Variants in STAG3 observed in about 807,000 individuals in gnomAD.
The protein encoded by STAG3 is cohesin subunit SA-3.
In STAG3, 101 loss-of-function variants were observed where a neutral mutation model predicts 160.7. That is an observed-to-expected ratio of 0.63 (90% CI 0.54 to 0.74). STAG3 has a LOEUF of 0.74. Ranked by LOEUF, STAG3 falls within the 30% of genes least tolerant of loss-of-function variation. The pLI, the probability that STAG3 is intolerant of heterozygous loss-of-function variation, is 0.00. For synonymous variants in STAG3, 519 were observed against 585.0 expected (o/e 0.89, Z 1.63); for missense variants, 1,188 against 1,517.4 (o/e 0.78, Z 3.61).
intron 32 of STAG3, 102 bp from the exon 33 acceptor site, chr7:100,213,633 C>T: frequency 6.3e-7 from 1 of 1,583,720 alleles, no homozygotes; most frequent in East Asian, 2.2e-5. Context: ...CTGCTGTGCC[C>T]ATATTTGTTC....
In STAG3 at chr7:100,201,963, T is replaced by A. The variant is rs1402717729; in HGVS notation, c.2316T>A (p.Ser772Arg). The part of the protein sequence containing the change: ...KSDASQKQLS[S>R]LRDRMVAFCE... Reference sequence around the variant, plus strand: ...TGTGCCCACAGAAGCAGCTGTCGAGTTTGAGGGACAGAATGGTGGCCTTCT... The same window carrying A: ...TGTGCCCACAGAAGCAGCTGTCGAGATTGAGGGACAGAATGGTGGCCTTCT... The change falls in exon 23 of 34, where the codon AGT becomes AGA. Residue 772 changes from serine (S) to arginine (R), a missense_variant. By Grantham distance (110) the Ser-to-Arg change is moderately radical. Coordinates refer to ENST00000615138, the MANE Select transcript of STAG3 (RefSeq NM_001282717.2). 1 of 1,614,042 alleles carries A rather than the reference T, an allele frequency of 6.2e-7. No homozygotes were observed. The highest frequency in any genetic ancestry group is 1.7e-5 in the Admixed American group (1 of 60,014).
Position 100,203,999 on chromosome 7 carries a change from C to T in STAG3, c.2701-22C>T, listed in dbSNP as rs563737305. On this transcript the variant is annotated intron_variant, in intron 25 of 33. Coordinates refer to ENST00000615138, the MANE Select transcript of STAG3 (RefSeq NM_001282717.2). ...GTCTTTTCCACCAGTCAGACATTAC[C>T]TTCCCCACTCTTTCCCCTCAGTTCT... 4.4e-5 allele frequency: 68 copies of T among 1,541,332 alleles called. No homozygotes were observed. In the East Asian group the frequency reaches 1.5e-3, roughly 33 times the overall value.
chr7:100,188,201 G>A (rs1346472938), intron 5 of STAG3, among the ~76,000 whole-genome samples: 2 of 152,182 alleles, frequency 1.3e-5, no homozygotes, highest in Admixed American at 1.3e-4. Flanking sequence ...CAGCCTGGTT[G>A]TGTGAGGTGT....
intron 2 of STAG3, among the ~76,000 whole-genome samples, chr7:100,181,787 GC>G (rs901609383): frequency 6.6e-6 from 1 of 151,836 alleles, no homozygotes; most frequent in African/African-American, 2.4e-5. Flanking sequence ...TGTAATCCCA[GC>G]TACTCGGGAG....
chr7:100,212,523 T>G (rs1023645046), intron 32 of STAG3: 18 of 152,376 alleles, frequency 1.2e-4, no homozygotes, highest in African/African-American at 4.3e-4. Context: ...TGGCATAGTC[T>G]CGGCTCACTG....
chr7:100,193,541 C>T (rs1366117256), intron 8 of STAG3, among the ~76,000 whole-genome samples: 2 of 152,230 alleles, frequency 1.3e-5, no homozygotes, highest in Non-Finnish European at 2.9e-5. Flanking sequence ...CTTGTTGCTT[C>T]TCTATCAGTA....
At chr7:100,209,307 G>A (rs1340662151) in intron 29 of STAG3, among the ~76,000 whole-genome samples, 1 of 152,176 alleles carries the variant, frequency 6.6e-6, no homozygotes, top group South Asian at 2.1e-4. Flanking sequence ...ACAGGTGAGG[G>A]AGGGTGCTTA....
At chr7:100,201,385 G>C (rs769439243) in intron 21 of STAG3, 34 bp downstream of exon 21, 33 of 1,594,388 alleles carry the variant, frequency 2.1e-5, no homozygotes, top group Non-Finnish European at 2.6e-5. Context: ...GTTGGGGGCT[G>C]GGGGGCTAGA....
In STAG3 at chr7:100,201,838, C is replaced by T; in HGVS notation, c.2273C>T (p.Thr758Ile). Reference protein sequence around the residue: ...LVYFSILWTLTHISKSDASQK... With the variant: ...LVYFSILWTLIHISKSDASQK... ...TATTTTTCCATTCTCTGGACACTAACCCACATTTCTAAATCAGATGCTTCC... is the reference window on the plus strand; with the variant it reads ...TATTTTTCCATTCTCTGGACACTAATCCACATTTCTAAATCAGATGCTTCC... Residue 758 changes from threonine to isoleucine, a missense_variant, in exon 22 of 34, where the codon ACC becomes ATC. By Grantham distance (89) the Thr-to-Ile change is moderately conservative (BLOSUM62 -1). Around this residue, in one of 4 missense-constraint regions of STAG3, gnomAD observed 647 missense variants for 717.2 expected, o/e 0.90. Transcript: ENST00000615138. The T allele has an allele frequency of 6.2e-7, 1 of 1,614,166 alleles. No individual in the cohort carries two copies.
Position 100,214,137 on chromosome 7 carries a change from G to A in STAG3, c.*122G>A. The A allele has an allele frequency of 7.3e-7, 1 of 1,367,214 alleles. No individual in the cohort carries two copies. Among genetic ancestry groups the A allele is most frequent in the African/African-American group, 1.4e-5 (1 of 69,302 alleles). 84.7% of individuals were successfully genotyped at this position (1,367,214 alleles called of 1,614,324 possible). A position where few individuals can be genotyped will look rare whatever the true frequency, so the allele number is the denominator to read the frequency against. On this transcript the variant is annotated 3_prime_UTR_variant, in exon 34 of 34. Coordinates refer to ENST00000615138, the MANE Select transcript of STAG3 (RefSeq NM_001282717.2). Reference sequence around the variant, plus strand: ...CAGGCTTCAGCCCTGGGCTCTGAGGGGAAAGAGTTGGGCATTGTTTTTCTA... The same window carrying A: ...CAGGCTTCAGCCCTGGGCTCTGAGGAGAAAGAGTTGGGCATTGTTTTTCTA...
intron 10 of STAG3, 159 bp from the exon 11 acceptor site, chr7:100,197,619 A>G: frequency 1.4e-6 from 1 of 708,864 alleles, no homozygotes; most frequent in East Asian, 2.6e-5. Flanking sequence ...TTTAAGTAAG[A>G]AGACAGCTGT....
rs775751338 is a variant in STAG3 at position 100,199,271 on chromosome 7, C to T, written c.1477C>T (p.His493Tyr). 6.2e-7 allele frequency: 1 copy of T among 1,613,440 alleles called. No homozygotes were observed. Among genetic ancestry groups the T allele is most frequent in the Non-Finnish European group, 8.5e-7 (1 of 1,179,478 alleles). Reference sequence around the variant, plus strand: ...GCACGTTCTCCCCTAGCTCCATGACCACGCTGCTTACTTAGTAGACAGTCT... The same window carrying T: ...GCACGTTCTCCCCTAGCTCCATGACTACGCTGCTTACTTAGTAGACAGTCT... The part of the protein sequence containing the change: ...SFFVESELHD[H>Y]AAYLVDSLWD... The change falls in exon 15 of 34, where the codon CAC becomes TAC. Residue 493 changes from histidine to tyrosine, a missense_variant. His to Tyr is a moderately conservative substitution (Grantham distance 83). This residue lies in a region of STAG3 where 240 missense variants were observed against 358.1 expected (regional missense o/e 0.67). Transcript: ENST00000615138.
chr7:100,198,559 C>T lies in STAG3; in HGVS notation c.1329C>T (p.Ala443=), dbSNP rs1427153616. 6 of 1,613,828 alleles carry T rather than the reference C, an allele frequency of 3.7e-6. No homozygotes were observed. The highest frequency in any genetic ancestry group is 2.2e-5 in the South Asian group (2 of 91,074). The change falls in exon 13 of 34, where the codon GCC becomes GCT. Residue 443 remains alanine, a synonymous_variant. Coordinates refer to ENST00000615138, the MANE Select transcript of STAG3 (RefSeq NM_001282717.2). ...CCTCTCATCGAGGCCTGGCCTCTGCCGCAGGCGAATTTCTGTACTGGAAGT... is the reference window on the plus strand; with the variant it reads ...CCTCTCATCGAGGCCTGGCCTCTGCTGCAGGCGAATTTCTGTACTGGAAGT... ...VYASHRGLAS[A]AGEFLYWKLF... is the part of the protein sequence containing the mutation.
chr7:100,188,839 C>T lies in STAG3; in HGVS notation c.538C>T (p.Pro180Ser). The T allele has an allele frequency of 6.2e-7, 1 of 1,614,074 alleles. No individual in the cohort carries two copies. Residue 180 changes from proline (P) to serine (S), a missense_variant, in exon 7 of 34, where the codon CCA becomes TCA. Around this residue, in one of 4 missense-constraint regions of STAG3, gnomAD observed 296 missense variants for 404.0 expected, o/e 0.73. Transcript: ENST00000615138. ...CTCGGGGGACTACCCTCTCATAGCTCCAGGTCCATCCTGGAAGAAGTTCCA... is the reference window on the plus strand; with the variant it reads ...CTCGGGGGACTACCCTCTCATAGCTTCAGGTCCATCCTGGAAGAAGTTCCA... Reference protein sequence around the residue: ...EDSGDYPLIAPGPSWKKFQGS... With the variant: ...EDSGDYPLIASGPSWKKFQGS...
intron 5 of STAG3, 122 bp from the exon 6 acceptor site, chr7:100,188,331 C>T: frequency 1.3e-6 from 1 of 784,824 alleles, no homozygotes; most frequent in Non-Finnish European, 2.3e-6. Context: ...ACCAGGGGGT[C>T]TTCTCATTCC....
intron 29 of STAG3, among the ~76,000 whole-genome samples, chr7:100,206,429 T>G (rs1028948664): frequency 6.6e-6 from 1 of 152,196 alleles, no homozygotes; most frequent in African/African-American, 2.4e-5. Flanking sequence ...TAAATGGGAC[T>G]TTATGTGACA....
At chr7:100,197,491 G>A in intron 10 of STAG3, 2 of 730,726 alleles carry the variant, frequency 2.7e-6, no homozygotes, top group South Asian at 3.3e-5. Flanking sequence ...CTCAAAACCT[G>A]AGGTACGGGG....
At chr7:100,194,498 A>G (rs1322087804) in intron 8 of STAG3, among the ~76,000 whole-genome samples, 15 of 152,200 alleles carry the variant, frequency 9.9e-5, no homozygotes, top group Non-Finnish European at 1.5e-5. Flanking sequence ...TTACAGTAGT[A>G]ACATTAGGCT....
chr7:100,203,631 C>A (rs1801353414), intron 25 of STAG3, among the ~76,000 whole-genome samples: 1 of 152,092 alleles, frequency 6.6e-6, no homozygotes, highest in Non-Finnish European at 1.5e-5. Context: ...TCTCCTGCCT[C>A]AGCCTCCCGA....
Sources: gnomAD v4.1 joint callset for allele counts (sites outside exome capture counted in the v4.1 genomes callset) on GRCh38, gnomAD v4.1.1 for gene constraint, gnomAD v4.1.1 regional missense constraint, MANE v1.5 for transcripts, NCBI Gene and HGNC (gene_info 2026-07-23, HGNC 2026-07-21) for gene names.